The following PREP variants were observed in gnomAD, a reference collection of about 807,000 sequenced individuals.
PREP encodes the protein dJ355L5.1 (prolyl endopeptidase).
Under a neutral mutation model 87.6 loss-of-function variants are expected in PREP, and 29 were observed. That is an observed-to-expected ratio of 0.33 (90% CI 0.25 to 0.45). PREP has a LOEUF of 0.45. Ranked by LOEUF, PREP falls within the 20% of genes least tolerant of loss-of-function variation. The pLI, the probability that PREP is intolerant of heterozygous loss-of-function variation, is 1.00. For synonymous variants in PREP, 337 were observed against 328.6 expected (o/e 1.03, Z -0.28); for missense variants, 695 against 886.5 (o/e 0.78, Z 2.74).
chr6:105,282,702 T>C, intron 12 of PREP, 120 bp from the exon 13 acceptor site: 3 of 1,124,486 alleles, frequency 2.7e-6, no homozygotes, highest in Non-Finnish European at 3.7e-6. Context: ...AACCATGGGT[T>C]AACACTGCAT....
intron 2 of PREP, among the ~76,000 whole-genome samples, chr6:105,380,391 G>A (rs1772806211): frequency 6.6e-6 from 1 of 152,176 alleles, no homozygotes; most frequent in South Asian, 2.1e-4. Flanking sequence ...AGGCAGATAT[G>A]ATGTTTCGAT....
Position 105,278,546 on chromosome 6 carries a change from G to T in PREP, c.1839-108C>A. 1 of 1,159,508 alleles carries T rather than the reference G, an allele frequency of 8.6e-7. No individual in the cohort carries two copies. Among genetic ancestry groups the T allele is most frequent in the Non-Finnish European group, 1.2e-6 (1 of 817,616 alleles). 71.8% of individuals were successfully genotyped at this position (1,159,508 alleles called of 1,614,324 possible). A position where few individuals can be genotyped will look rare whatever the true frequency, so the allele number is the denominator to read the frequency against. ...TGAGGACTGCAGTTAACTAGTACGTGAGTGACCACCATGGACTGTGCCTAT... is the reference window on the plus strand; with the variant it reads ...TGAGGACTGCAGTTAACTAGTACGTTAGTGACCACCATGGACTGTGCCTAT... On this transcript the variant is annotated intron_variant, in intron 14 of 14. Transcript: ENST00000652536. The surrounding 1 kb of genome is among the most constrained non-coding windows in gnomAD (Gnocchi z 4.2).
At chr6:105,349,898 TA>T (rs1162063177) in intron 7 of PREP, among the ~76,000 whole-genome samples, 853 of 59,436 alleles carry the variant, frequency 0.014, 9 homozygotes, top group Middle Eastern at 0.038. Flanking sequence ...GGGAAGCAGG[TA>T]AAAAAAAAAA....
chr6:105,312,680 C>G (rs568794126), intron 10 of PREP, among the ~76,000 whole-genome samples: 1 of 152,220 alleles, frequency 6.6e-6, no homozygotes, highest in African/African-American at 2.4e-5. Flanking sequence ...CCTCTTTCCC[C>G]GTCTTCTGCT....
chr6:105,327,452 C>T (rs1242923244), intron 9 of PREP, among the ~76,000 whole-genome samples: 1 of 152,172 alleles, frequency 6.6e-6, no homozygotes, highest in South Asian at 2.1e-4. Context: ...AAAGTAAAGC[C>T]TGGCTAGGTT....
At position 105,328,859 on chromosome 6, in the gene PREP, A is replaced by G; in HGVS notation, c.1183T>C (p.Phe395Leu). Reference sequence around the variant, plus strand: ...GATAAAAAGGAAGTAAACTGATAGAAGATTTCAGTGTCCTTCTTCTGACCG... The same window carrying G: ...GATAAAAAGGAAGTAAACTGATAGAGGATTTCAGTGTCCTTCTTCTGACCG... ...YSGQKKDTEI[F>L]YQFTSFLSPG... Residue 395 changes from phenylalanine (F) to leucine (L), a missense_variant, in exon 9 of 15, where the codon TTC (phenylalanine) becomes CTC (leucine). Transcript: ENST00000652536. 1 of 1,614,208 alleles carries G rather than the reference A, an allele frequency of 6.2e-7. No individual in the cohort carries two copies. Among genetic ancestry groups the G allele is most frequent in the Non-Finnish European group, 8.5e-7 (1 of 1,180,040 alleles).
intron 10 of PREP, among the ~76,000 whole-genome samples, chr6:105,303,627 T>C (rs1770592210): frequency 6.6e-6 from 1 of 152,210 alleles, no homozygotes; most frequent in East Asian, 1.9e-4. Flanking sequence ...GTTCATCCTT[T>C]GCTTAAATAT....
intron 12 of PREP, 77 bp from the exon 13 acceptor site, chr6:105,282,659 T>C: frequency 1.3e-6 from 2 of 1,503,462 alleles, no homozygotes; most frequent in Non-Finnish European, 1.8e-6. Context: ...ATTCAAATGA[T>C]AGAGCACGGT....
Position 105,295,558 on chromosome 6 carries a change from C to T in PREP, c.1318-6664G>A, listed in dbSNP as rs76837653. 5.6e-3 allele frequency among the ~76,000 whole-genome samples: 858 copies of T among 152,080 alleles called. 22 individuals carry two copies. The highest frequency in any genetic ancestry group is 0.041 in the Admixed American group (631 of 15,274). On this transcript the variant is annotated intron_variant, in intron 10 of 14. Transcript: ENST00000652536. ...CTTTCCCACCCCATTGATTCCTATC[C>T]CCACCCCTGCTCTTTCAAAGGTCAT...
chr6:105,368,620 A>C (rs1217191705), intron 6 of PREP, among the ~76,000 whole-genome samples: 3 of 152,158 alleles, frequency 2.0e-5, no homozygotes, highest in Non-Finnish European at 4.4e-5. Context: ...TGAAAGGTTC[A>C]TGTTTTACCT....
intron 6 of PREP, among the ~76,000 whole-genome samples, chr6:105,353,461 T>C (rs1772009661): frequency 6.6e-6 from 1 of 152,162 alleles, no homozygotes; most frequent in Non-Finnish European, 1.5e-5. Context: ...TTAAAGTTTG[T>C]TGTTCTCAAT....
intron 10 of PREP, among the ~76,000 whole-genome samples, chr6:105,312,012 C>A (rs1770769820): frequency 6.6e-6 from 1 of 152,202 alleles, no homozygotes; most frequent in Admixed American, 6.5e-5. Flanking sequence ...TTCTAAGTCT[C>A]TTCCAAATAC....
chr6:105,369,124 G>A (rs1473221145), intron 5 of PREP, 100 bp from the exon 6 acceptor site: 2 of 1,245,944 alleles, frequency 1.6e-6, no homozygotes, highest in African/African-American at 3.0e-5. Flanking sequence ...ACAAGTAGCT[G>A]GCTGCAGGAT....
rs1773015352 is a variant in PREP, at chr6:105,387,097, C to CA, written c.121-9579dup. On this transcript the variant is annotated intron_variant, in intron 2 of 14. Coordinates refer to ENST00000652536, the MANE Select transcript of PREP (RefSeq NM_002726.5). ...GTGTGGAGGCGGATGCCTGTAGTCC[C>CA]ACCTACTCATGCTACTCAGGAGGCT... Among the ~76,000 whole-genome samples, 5 of 152,204 alleles carry CA rather than the reference C, an allele frequency of 3.3e-5. No individual in the cohort carries two copies. In the South Asian group the frequency reaches 1.0e-3, roughly 32 times the overall value.
intron 7 of PREP, among the ~76,000 whole-genome samples, chr6:105,341,414 A>G (rs536466324): frequency 6.6e-6 from 1 of 152,336 alleles, no homozygotes; most frequent in East Asian, 1.9e-4. Context: ...GTACAGCACT[A>G]AATGCCCACA....
intron 7 of PREP, among the ~76,000 whole-genome samples, chr6:105,352,643 TG>T (rs1771990926): frequency 6.6e-6 from 1 of 152,208 alleles, no homozygotes; most frequent in Non-Finnish European, 1.5e-5. Flanking sequence ...GATGCCACTA[TG>T]CCCGGCTGCA....
intron 1 of PREP, among the ~76,000 whole-genome samples, chr6:105,399,046 G>A (rs1773355771): frequency 6.6e-6 from 1 of 151,738 alleles, no homozygotes; most frequent in Admixed American, 6.6e-5. Flanking sequence ...GGCAGAGGTT[G>A]CAGTGAGCTG....
chr6:105,357,731 A>T (rs1483411063), intron 6 of PREP, among the ~76,000 whole-genome samples: 1 of 152,188 alleles, frequency 6.6e-6, no homozygotes, highest in Non-Finnish European at 1.5e-5. Flanking sequence ...TTAAAAGATG[A>T]ATTTTGTAAA....
chr6:105,369,044 A>G lies in PREP; in HGVS notation c.596-20T>C. Reference sequence around the variant, plus strand: ...CTGTGCCTGAAGGAGTTAAAAATGTACACTGAAATGTACTTGATAATTTTA... The same window carrying G: ...CTGTGCCTGAAGGAGTTAAAAATGTGCACTGAAATGTACTTGATAATTTTA... On this transcript the variant is annotated intron_variant, in intron 5 of 14. Transcript: ENST00000652536. 2 of 1,612,822 alleles carry G rather than the reference A, an allele frequency of 1.2e-6. No individual in the cohort carries two copies. The highest frequency in any genetic ancestry group is 1.7e-6 in the Non-Finnish European group (2 of 1,179,072).
Sources: allele counts gnomAD v4.1 joint callset (sites outside exome capture counted in the v4.1 genomes callset), GRCh38; gene constraint gnomAD v4.1.1; non-coding constraint Gnocchi (gnomAD v3.1); transcripts MANE v1.5; gene names NCBI Gene and HGNC (gene_info 2026-07-23, HGNC 2026-07-21).